The following ERBB4 variants were observed in gnomAD, a reference collection of about 807,000 sequenced individuals.
The protein encoded by ERBB4 is receptor tyrosine-protein kinase erbB-4.
In ERBB4, 42 loss-of-function variants were observed where a neutral mutation model predicts 158.0. That is an observed-to-expected ratio of 0.27 (90% CI 0.21 to 0.34). The LOEUF (loss-of-function observed/expected upper bound fraction) is 0.34. ERBB4 is among the 10% of genes least tolerant of loss of function. ERBB4 has a pLI of 1.00. For synonymous variants in ERBB4, 583 were observed against 558.7 expected (o/e 1.04, Z -0.61); for missense variants, 1,333 against 1,624.1 (o/e 0.82, Z 3.08).
intron 2 of ERBB4, among the ~76,000 whole-genome samples, chr2:212,028,166 T>A (rs1418776499): frequency 6.6e-6 from 1 of 152,086 alleles, no homozygotes; most frequent in African/African-American, 2.4e-5. Context: ...TGTTATGTGA[T>A]GTCCTGTCAC....
intron 1 of ERBB4, among the ~76,000 whole-genome samples, chr2:212,337,008 G>A (rs927429896): frequency 6.6e-6 from 1 of 152,050 alleles, no homozygotes; most frequent in Non-Finnish European, 1.5e-5. Flanking sequence ...AAATATTACT[G>A]TTGACTTAGA....
intron 1 of ERBB4, among the ~76,000 whole-genome samples, chr2:212,195,847 C>G (rs2082411631): frequency 6.6e-6 from 1 of 152,046 alleles, no homozygotes; most frequent in South Asian, 2.1e-4. Context: ...TTGAATAGTC[C>G]TGGTTTCCTT....
intron 20 of ERBB4, among the ~76,000 whole-genome samples, chr2:211,435,294 T>G (rs985919907): frequency 6.6e-6 from 1 of 152,144 alleles, no homozygotes; most frequent in Non-Finnish European, 1.5e-5. Flanking sequence ...AGGAGAAGAA[T>G]AATACTGACA....
intron 23 of ERBB4, among the ~76,000 whole-genome samples, chr2:211,423,305 G>A (rs1417274270): frequency 6.6e-6 from 1 of 151,922 alleles, no homozygotes; most frequent in African/African-American, 2.4e-5. Context: ...TATCACACAT[G>A]TCATGAATAT....
At chr2:212,283,473 G>A (rs2085835738) in intron 1 of ERBB4, among the ~76,000 whole-genome samples, 1 of 151,914 alleles carries the variant, frequency 6.6e-6, no homozygotes, top group South Asian at 2.1e-4. Flanking sequence ...ATTACTGGCA[G>A]AATGCAAATA....
intron 3 of ERBB4, among the ~76,000 whole-genome samples, chr2:211,852,514 G>A (rs2077742758): frequency 6.6e-6 from 1 of 151,842 alleles, no homozygotes; most frequent in Admixed American, 6.6e-5. Context: ...TGACTTTTAA[G>A]TGAAATGACA....
chr2:211,395,698 A>C (rs2062899220), intron 25 of ERBB4, among the ~76,000 whole-genome samples: 1 of 152,040 alleles, frequency 6.6e-6, no homozygotes, highest in Non-Finnish European at 1.5e-5. Flanking sequence ...CCATACACAT[A>C]TTAATTAACA....
intron 16 of ERBB4, among the ~76,000 whole-genome samples, chr2:211,641,367 T>C (rs2070580976): frequency 6.6e-6 from 1 of 152,130 alleles, no homozygotes. Context: ...TTTTTGTTCT[T>C]ATCTTTTTAC....
At chr2:212,224,376 A>G (rs1358882839) in intron 1 of ERBB4, among the ~76,000 whole-genome samples, 1 of 151,956 alleles carries the variant, frequency 6.6e-6, no homozygotes, top group Non-Finnish European at 1.5e-5. Context: ...GACATCTAGA[A>G]ATAATGTGGG....
At chr2:212,136,982 A>C (rs2080291094) in intron 1 of ERBB4, among the ~76,000 whole-genome samples, 1 of 152,102 alleles carries the variant, frequency 6.6e-6, no homozygotes, top group Non-Finnish European at 1.5e-5. Flanking sequence ...CCTGATACTA[A>C]TATAGACTAG....
chr2:212,309,839 A>C (rs1275515443), intron 1 of ERBB4, among the ~76,000 whole-genome samples: 2 of 150,532 alleles, frequency 1.3e-5, no homozygotes, highest in Non-Finnish European at 3.0e-5. Flanking sequence ...ATTAATGACA[A>C]GTGACAAATT....
At chr2:211,579,422 A>G (rs61953602) in intron 19 of ERBB4, among the ~76,000 whole-genome samples, 1 of 152,294 alleles carries the variant, frequency 6.6e-6, no homozygotes, top group South Asian at 2.1e-4. Context: ...CAGAAATACC[A>G]TTTGAGCCAG....
At chr2:211,410,942 C>T (rs1057043966) in intron 25 of ERBB4, among the ~76,000 whole-genome samples, 1 of 152,196 alleles carries the variant, frequency 6.6e-6, no homozygotes, top group Admixed American at 6.5e-5. Flanking sequence ...CAGAGTCTAG[C>T]TCTGTTGCCA....
intron 1 of ERBB4, among the ~76,000 whole-genome samples, chr2:212,319,831 T>C (rs1434147376): frequency 6.7e-6 from 1 of 150,170 alleles, no homozygotes; most frequent in Non-Finnish European, 1.5e-5. Flanking sequence ...GGCACATCAT[T>C]TAACACATAT....
At chr2:212,200,524 C>G (rs1288507270) in intron 1 of ERBB4, among the ~76,000 whole-genome samples, 1 of 152,024 alleles carries the variant, frequency 6.6e-6, no homozygotes, top group Non-Finnish European at 1.5e-5. Context: ...GTATTTACAT[C>G]ATAGATTTAT....
chr2:211,746,896 A>G (rs1346109925), intron 5 of ERBB4, among the ~76,000 whole-genome samples: 2 of 151,868 alleles, frequency 1.3e-5, no homozygotes, highest in African/African-American at 4.8e-5. Flanking sequence ...TATGGAACCT[A>G]AGGACAGCAG....
intron 1 of ERBB4, among the ~76,000 whole-genome samples, chr2:212,478,321 A>G (rs1424241823): frequency 6.6e-6 from 1 of 152,110 alleles, no homozygotes; most frequent in Non-Finnish European, 1.5e-5. Context: ...TTCAGACTCA[A>G]GGACAGCCTT....
At chr2:212,372,487 C>T (rs1247427021) in intron 1 of ERBB4, among the ~76,000 whole-genome samples, 1 of 152,118 alleles carries the variant, frequency 6.6e-6, no homozygotes, top group Non-Finnish European at 1.5e-5. Flanking sequence ...CGGTGGCTCA[C>T]ACCTGTAATC....
intron 2 of ERBB4, among the ~76,000 whole-genome samples, chr2:211,993,781 A>C (rs2082134337): frequency 6.6e-6 from 1 of 151,748 alleles, no homozygotes; most frequent in Non-Finnish European, 1.5e-5. Context: ...TCTGCTTTTA[A>C]AAAAAAGAAA....
Sources: gnomAD v4.1 joint callset for allele counts (sites outside exome capture counted in the v4.1 genomes callset) on GRCh38, gnomAD v4.1.1 for gene constraint, MANE v1.5 for transcripts, NCBI Gene and HGNC (gene_info 2026-07-23, HGNC 2026-07-21) for gene names.